ZDHHC2: variants seen among roughly 807,000 people sequenced by gnomAD.
ZDHHC2 encodes the protein palmitoyltransferase ZDHHC2.
Under a neutral mutation model 55.6 loss-of-function variants are expected in ZDHHC2, and 51 were observed. The observed-to-expected ratio is 0.92, with a 90% CI of 0.73 to 1.16. ZDHHC2 has a LOEUF of 1.16. Among genes scored for constraint, ZDHHC2 ranks in the 50% most tolerant of loss-of-function variants. The pLI is 0.00. For synonymous variants in ZDHHC2, 199 were observed against 152.9 expected, an observed-to-expected ratio of 1.30 and a Z score of -2.22; for missense variants, 491 against 442.4, an observed-to-expected ratio of 1.11 and a Z score of -0.99.
At position 17,187,236 on chromosome 8, in the gene ZDHHC2, G is replaced by C. The variant is rs552588867; in HGVS notation, c.252+811G>C. ...TTAAGTAGAGTGATGGATCAAATTTGCATGTTGAAAAGATCATTCTGTTTG... is the reference window on the plus strand; with the variant it reads ...TTAAGTAGAGTGATGGATCAAATTTCCATGTTGAAAAGATCATTCTGTTTG... On this transcript the variant is annotated intron_variant, in intron 3 of 12. Coordinates refer to ENST00000262096, the MANE Select transcript of ZDHHC2 (RefSeq NM_016353.5). 3.9e-5 allele frequency among the ~76,000 whole-genome samples: 6 copies of C among 152,288 alleles called. No individual in the cohort carries two copies. The South Asian group carries it at 1.0e-3, about 26-fold the overall frequency.
intron 10 of ZDHHC2, among the ~76,000 whole-genome samples, chr8:17,210,846 C>A (rs762167691): frequency 6.6e-6 from 1 of 152,132 alleles, no homozygotes; most frequent in Non-Finnish European, 1.5e-5. Flanking sequence ...CATATCTTTC[C>A]TTTCTGTGAT....
At chr8:17,206,120 GC>G (rs2150939594) in intron 7 of ZDHHC2, among the ~76,000 whole-genome samples, 1 of 152,198 alleles carries the variant, frequency 6.6e-6, no homozygotes, top group South Asian at 2.1e-4. Flanking sequence ...TCTATTTAGT[GC>G]CATGCTTTTT....
intron 6 of ZDHHC2, among the ~76,000 whole-genome samples, chr8:17,201,481 C>A (rs113000911): frequency 4.1e-5 from 1 of 24,310 alleles, no homozygotes; most frequent in Admixed American, 7.2e-4. Context: ...CTCTCTCTCT[C>A]TTTTTTTTTT....
chr8:17,203,057 C>T (rs932072436), intron 6 of ZDHHC2, among the ~76,000 whole-genome samples: 20 of 118,944 alleles, frequency 1.7e-4, no homozygotes, highest in African/African-American at 5.9e-4. Context: ...CCATGTTGTC[C>T]AAAGTCTTTT....
At chr8:17,167,404 CAAGT>C (rs1393696796) in intron 1 of ZDHHC2, among the ~76,000 whole-genome samples, 4 of 145,208 alleles carry the variant, frequency 2.8e-5, no homozygotes, top group African/African-American at 1.0e-4. Flanking sequence ...CTCCCGAGTT[CAAGT>C]AATTCTCCCG....
rs1238822630 is a variant in ZDHHC2, at chr8:17,223,082, A to C, written c.*2861A>C. On this transcript the variant is annotated 3_prime_UTR_variant, in exon 13 of 13. Coordinates refer to ENST00000262096, the MANE Select transcript of ZDHHC2 (RefSeq NM_016353.5). ...CACGCAATCATGTGATTCATGCTTC[A>C]AGAAAATATATGAAAAAAGTGTTAC... 1 of 151,948 alleles carries C rather than the reference A, an allele frequency of 6.6e-6. No homozygotes were observed. The highest frequency in any genetic ancestry group is 1.5e-5 in the Non-Finnish European group (1 of 67,820). The allele number at this position is 151,948 out of a possible 1,614,324, so 9.4% of individuals were successfully genotyped here. A position where few individuals can be genotyped will look rare whatever the true frequency, so the allele number is the denominator to read the frequency against.
intron 1 of ZDHHC2, among the ~76,000 whole-genome samples, chr8:17,172,407 G>T (rs2705189): frequency 0.93 from 142,111 of 152,178 alleles, 66,444 homozygotes; most frequent in East Asian, 1. Context: ...AGACCGTTTG[G>T]TGGTTGCCAG....
chr8:17,196,250 C>T (rs1284496934), intron 4 of ZDHHC2, among the ~76,000 whole-genome samples: 1 of 152,056 alleles, frequency 6.6e-6, no homozygotes, highest in Non-Finnish European at 1.5e-5. Context: ...GCTTCTGTGA[C>T]TTCAGACCTG....
chr8:17,210,207 T>C (rs2150944654), intron 9 of ZDHHC2, 149 bp downstream of exon 9: 1 of 1,108,542 alleles, frequency 9.0e-7, no homozygotes, highest in East Asian at 2.6e-5. Flanking sequence ...TTCACCATAA[T>C]ATCAGTGTGG....
intron 10 of ZDHHC2, among the ~76,000 whole-genome samples, chr8:17,213,640 C>T (rs1365209361): frequency 6.6e-6 from 1 of 152,160 alleles, no homozygotes; most frequent in Non-Finnish European, 1.5e-5. Flanking sequence ...TCCTCCATAA[C>T]AGTGAAATTT....
intron 11 of ZDHHC2, 99 bp from the exon 12 acceptor site, chr8:17,217,073 G>A: frequency 8.6e-7 from 1 of 1,165,066 alleles, no homozygotes; most frequent in South Asian, 1.3e-5. Context: ...GGCACCTTTG[G>A]AAGTCTACCA....
chr8:17,186,528 T>C (rs989622520), intron 3 of ZDHHC2, 103 bp downstream of exon 3: 24 of 655,980 alleles, frequency 3.7e-5, no homozygotes, highest in Non-Finnish European at 5.7e-5. Flanking sequence ...CTTATTGAGT[T>C]TAGTGACTTT....
chr8:17,210,547 A>G, intron 10 of ZDHHC2, 67 bp downstream of exon 10: 1 of 1,341,980 alleles, frequency 7.5e-7, no homozygotes, highest in Non-Finnish European at 1.0e-6. Flanking sequence ...TCTTTTGGTT[A>G]TATGTTCCTT....
intron 1 of ZDHHC2, among the ~76,000 whole-genome samples, chr8:17,165,598 C>A (rs1804562333): frequency 6.6e-6 from 1 of 152,116 alleles, no homozygotes; most frequent in Non-Finnish European, 1.5e-5. Flanking sequence ...ATTGGACACC[C>A]TTTTAATTTA....
intron 4 of ZDHHC2, 103 bp from the exon 5 acceptor site, chr8:17,197,479 A>C (rs966781670): frequency 6.0e-6 from 6 of 1,000,642 alleles, no homozygotes; most frequent in African/African-American, 1.7e-5. Context: ...TTTAAATTTC[A>C]TATGCTTTTT....
Position 17,167,208 on chromosome 8 carries a change from A to G in ZDHHC2, c.130+10355A>G, listed in dbSNP as rs1300228396. Among the ~76,000 whole-genome samples, 4 of 151,972 alleles carry G rather than the reference A, an allele frequency of 2.6e-5. 1 individual carries two copies. The highest frequency in any genetic ancestry group is 2.0e-4 in the Admixed American group (3 of 15,246). The stretch of plus-strand genomic sequence containing the variant: ...GGGTGGACATCTCAAGCAACAAAGA[A>G]TGTTGAATCCTACATGAGGGGATCA... On this transcript the variant is annotated intron_variant, in intron 1 of 12. Coordinates refer to ENST00000262096, the MANE Select transcript of ZDHHC2 (RefSeq NM_016353.5).
intron 3 of ZDHHC2, among the ~76,000 whole-genome samples, chr8:17,188,322 T>C (rs1325617286): frequency 1.3e-5 from 2 of 152,102 alleles, no homozygotes; most frequent in African/African-American, 4.8e-5. Flanking sequence ...CTTGTATCTA[T>C]TGTGATTCCA....
At chr8:17,179,390 T>G (rs371297028) in intron 1 of ZDHHC2, among the ~76,000 whole-genome samples, 1 of 152,166 alleles carries the variant, frequency 6.6e-6, no homozygotes, top group African/African-American at 2.4e-5. Context: ...TGAAGTTCTT[T>G]TTTTGTTTTC....
intron 3 of ZDHHC2, among the ~76,000 whole-genome samples, chr8:17,189,252 T>C (rs1265286380): frequency 4.6e-5 from 7 of 151,878 alleles, no homozygotes; most frequent in African/African-American, 1.7e-4. Flanking sequence ...TACCTTATCA[T>C]TGAGGCTGTC....
Sources: allele counts gnomAD v4.1 joint callset (sites outside exome capture counted in the v4.1 genomes callset), GRCh38; gene constraint gnomAD v4.1.1; transcripts MANE v1.5; gene names NCBI Gene and HGNC (gene_info 2026-07-23, HGNC 2026-07-21).